The following SPATA17 variants were observed in gnomAD, a reference collection of about 807,000 sequenced individuals.
SPATA17 encodes spermatogenesis-associated protein 17.
In SPATA17, 53 loss-of-function variants were observed where a neutral mutation model predicts 62.2. The ratio of observed to expected loss-of-function variants is 0.85; its 90% CI spans 0.68 to 1.07. The LOEUF (loss-of-function observed/expected upper bound fraction) is 1.07, where lower values mean the gene tolerates loss of function less well. Among genes scored for constraint, SPATA17 ranks in the 50% least tolerant of loss-of-function variants. The pLI, the probability that SPATA17 is intolerant of heterozygous loss-of-function variation, is 0.00. For missense variants in SPATA17, 466 were observed against 425.5 expected (o/e 1.10, Z -0.84); for synonymous variants, 146 against 146.8 (o/e 0.99, Z 0.04).
intron 7 of SPATA17, 72 bp downstream of exon 7, chr1:217,774,609 CTA>C (rs1673544189): frequency 7.9e-7 from 1 of 1,264,092 alleles, no homozygotes; most frequent in South Asian, 1.3e-5. Context: ...TTATATAACA[CTA>C]TCTTAATTTA....
chr1:217,652,698 A>G (rs769985984), intron 3 of SPATA17, among the ~76,000 whole-genome samples: 6 of 152,228 alleles, frequency 3.9e-5, no homozygotes, highest in Non-Finnish European at 7.3e-5. Flanking sequence ...GTTACAGAAT[A>G]TATCCTAGGT....
chr1:217,633,960 G>A (rs1188093547), intron 1 of SPATA17, among the ~76,000 whole-genome samples: 1 of 152,240 alleles, frequency 6.6e-6, no homozygotes, highest in African/African-American at 2.4e-5. Flanking sequence ...GGAACTCCAA[G>A]AAGTGAGCAG....
At position 217,865,176 on chromosome 1, in the gene SPATA17, G is replaced by A. The variant is rs146563950; in HGVS notation, c.*3-1846G>A. 4.8e-3 allele frequency among the ~76,000 whole-genome samples: 733 copies of A among 152,230 alleles called. 2 individuals carry two copies. The highest frequency in any genetic ancestry group is 8.2e-3 in the Non-Finnish European group (556 of 68,008). On this transcript the variant is annotated intron_variant, in intron 10 of 10. Transcript: ENST00000366933. ...GTTTGTAAAAAAAGGCCAAGATGGG[G>A]ACACCTGCACCAAACTGTTGAATAA...
chr1:217,787,336 C>T (rs1673895266), intron 8 of SPATA17, among the ~76,000 whole-genome samples: 2 of 152,010 alleles, frequency 1.3e-5, no homozygotes, highest in African/African-American at 4.8e-5. Flanking sequence ...TTTTTATTGC[C>T]TCTAGGATAA....
chr1:217,714,502 TGA>T (rs1671953792), intron 5 of SPATA17, among the ~76,000 whole-genome samples: 2 of 148,600 alleles, frequency 1.3e-5, no homozygotes, highest in Non-Finnish European at 1.5e-5. Context: ...TTTTTTTTTT[TGA>T]GACAGAGTCT....
At chr1:217,743,961 A>C (rs1175164783) in intron 6 of SPATA17, among the ~76,000 whole-genome samples, 1 of 152,030 alleles carries the variant, frequency 6.6e-6, no homozygotes, top group Non-Finnish European at 1.5e-5. Context: ...GTTTTTTTCA[A>C]GGTTGTTGAG....
chr1:217,870,610 T>A lies in SPATA17; in HGVS notation c.*3591T>A, dbSNP rs1428261047. ...AAGAAAATTAATGAGACTTTATGTT[T>A]GACCAAAGCTGGTAATTCCTTGATC... is the stretch of plus-strand genomic sequence containing the variant. On this transcript the variant is annotated 3_prime_UTR_variant, in exon 11 of 11. Transcript: ENST00000366933. 6.6e-6 allele frequency: 1 copy of A among 152,198 alleles called. No individual in the cohort carries two copies. Among genetic ancestry groups the A allele is most frequent in the Non-Finnish European group, 1.5e-5 (1 of 68,038 alleles). 9.4% of individuals were successfully genotyped at this position (152,198 alleles called of 1,614,324 possible). A position where few individuals can be genotyped will look rare whatever the true frequency, so the allele number is the denominator to read the frequency against.
intron 3 of SPATA17, among the ~76,000 whole-genome samples, chr1:217,652,529 C>T (rs780094970): frequency 2.6e-5 from 4 of 152,010 alleles, no homozygotes; most frequent in Non-Finnish European, 2.9e-5. Flanking sequence ...CCACCACGCC[C>T]GGCCAAACTT....
intron 5 of SPATA17, among the ~76,000 whole-genome samples, chr1:217,719,903 T>TC (rs1388137109): frequency 5.3e-5 from 8 of 152,278 alleles, no homozygotes; most frequent in Middle Eastern, 3.4e-3. Context: ...GTTCTGCAGC[T>TC]AGTGGTCTGA....
intron 6 of SPATA17, among the ~76,000 whole-genome samples, chr1:217,761,274 G>A (rs949606374): frequency 1.6e-4 from 25 of 152,162 alleles, no homozygotes; most frequent in Admixed American, 7.2e-4. Flanking sequence ...TGTATGTCTG[G>A]TATATTGTGA....
At chr1:217,827,305 G>T (rs1675019991) in intron 9 of SPATA17, among the ~76,000 whole-genome samples, 2 of 152,068 alleles carry the variant, frequency 1.3e-5, no homozygotes, top group Non-Finnish European at 1.5e-5. Context: ...CTATGTTTAT[G>T]CAAAGGAAGA....
intron 8 of SPATA17, among the ~76,000 whole-genome samples, chr1:217,794,577 G>A (rs189460955): frequency 2.0e-5 from 3 of 152,152 alleles, no homozygotes; most frequent in Non-Finnish European, 4.4e-5. Flanking sequence ...AAATTGAAAA[G>A]TAATTAAAAA....
chr1:217,697,123 C>G (rs1409036957), intron 5 of SPATA17, among the ~76,000 whole-genome samples: 2 of 152,224 alleles, frequency 1.3e-5, no homozygotes, highest in Non-Finnish European at 2.9e-5. Flanking sequence ...ATTCTCCTGC[C>G]TCAGCCTCCT....
intron 10 of SPATA17, among the ~76,000 whole-genome samples, chr1:217,863,971 T>C (rs1179446948): frequency 6.6e-6 from 1 of 152,208 alleles, no homozygotes; most frequent in Non-Finnish European, 1.5e-5. Flanking sequence ...TTCGATTTTA[T>C]GTTACTCTTT....
At chr1:217,633,734 C>G (rs1669873376) in intron 1 of SPATA17, among the ~76,000 whole-genome samples, 2 of 152,198 alleles carry the variant, frequency 1.3e-5, no homozygotes, top group Non-Finnish European at 2.9e-5. Context: ...AATTTAAAGT[C>G]TCCTTGGTTT....
At chr1:217,751,552 A>G (rs1350766828) in intron 6 of SPATA17, among the ~76,000 whole-genome samples, 1 of 152,222 alleles carries the variant, frequency 6.6e-6, no homozygotes, top group Non-Finnish European at 1.5e-5. Context: ...TGAATTACCT[A>G]TTAACTCTTA....
chr1:217,709,669 T>A (rs1369418925), intron 5 of SPATA17, among the ~76,000 whole-genome samples: 1 of 152,190 alleles, frequency 6.6e-6, no homozygotes, highest in Non-Finnish European at 1.5e-5. Flanking sequence ...AATTATGCAA[T>A]GGAATGAATA....
intron 8 of SPATA17, among the ~76,000 whole-genome samples, chr1:217,798,160 A>G (rs1474277797): frequency 6.6e-6 from 1 of 152,222 alleles, no homozygotes; most frequent in Non-Finnish European, 1.5e-5. Flanking sequence ...ATTTTCTAAG[A>G]GATTCTTTGT....
chr1:217,844,223 C>A (rs1438162794), intron 9 of SPATA17, among the ~76,000 whole-genome samples: 1 of 152,060 alleles, frequency 6.6e-6, no homozygotes, highest in Non-Finnish European at 1.5e-5. Flanking sequence ...AGGCAAACAA[C>A]CCCTAGTATA....
Sources: allele counts gnomAD v4.1 joint callset (sites outside exome capture counted in the v4.1 genomes callset), GRCh38; gene constraint gnomAD v4.1.1; transcripts MANE v1.5; gene names NCBI Gene and HGNC (gene_info 2026-07-23, HGNC 2026-07-21).